Variants in ABTB1 observed in about 807,000 individuals in gnomAD.
ABTB1 encodes the protein ankyrin repeat and BTB/POZ domain-containing protein 1.
Under a neutral mutation model 57.1 loss-of-function variants are expected in ABTB1, and 45 were observed. The ratio of observed to expected loss-of-function variants is 0.79; its 90% CI spans 0.62 to 1.01. The LOEUF is 1.01. Among genes scored for constraint, ABTB1 ranks in the 50% least tolerant of loss-of-function variants. The pLI, the probability that ABTB1 is intolerant of heterozygous loss-of-function variation, is 0.00. For missense variants in ABTB1, 630 were observed against 666.3 expected, an observed-to-expected ratio of 0.95 and a Z score of 0.60; for synonymous variants, 302 against 275.4, an observed-to-expected ratio of 1.10 and a Z score of -0.95.
In ABTB1 at chr3:127,677,149, A is replaced by G; in HGVS notation, c.644-19A>G. 1 of 1,613,250 alleles carries G rather than the reference A, an allele frequency of 6.2e-7. No homozygotes were observed. Among genetic ancestry groups the G allele is most frequent in the Non-Finnish European group, 8.5e-7 (1 of 1,179,596 alleles). On this transcript the variant is annotated intron_variant, in intron 7 of 11. Coordinates refer to ENST00000232744, the MANE Select transcript of ABTB1 (RefSeq NM_172027.3). ...TGGCAGGGCTGGCCTGGCTCCCTGAAGTTGTTCTTCCCCTGTAGTGGCGTC... is the reference window on the plus strand; with the variant it reads ...TGGCAGGGCTGGCCTGGCTCCCTGAGGTTGTTCTTCCCCTGTAGTGGCGTC...
In ABTB1 at chr3:127,677,004, T is replaced by G; in HGVS notation, c.564T>G (p.Cys188Trp). The G allele has an allele frequency of 6.2e-7, 1 of 1,614,006 alleles. No homozygotes were observed. The highest frequency in any genetic ancestry group is 8.5e-7 in the Non-Finnish European group (1 of 1,179,958). The change falls in exon 7 of 12, where the codon TGT (cysteine) becomes TGG (tryptophan). Residue 188 changes from cysteine (C) to tryptophan (W), a missense_variant. Cys to Trp is a radical substitution (Grantham distance 215). Transcript: ENST00000232744. ...TTGGCGTAGAGCATGTGAGTGACTG[T>G]GAGCGCCTGGCCAAGCAATGCCAGC... ...LDIGVEHVSDCERLAKQCQLW... is the reference protein window; with the variant it reads ...LDIGVEHVSDWERLAKQCQLW...
chr3:127,674,260 G>C, intron 1 of ABTB1, 131 bp from the exon 2 acceptor site: 3 of 1,225,214 alleles, frequency 2.4e-6, no homozygotes, highest in Non-Finnish European at 3.5e-6. Context: ...TGGTCTGCCT[G>C]TCACCTGCCC....
In ABTB1 at chr3:127,680,130, G is replaced by A. The variant is rs763354622; in HGVS notation, c.1175G>A (p.Arg392His). ...VGVWRVAKLF[R>H]LARLEDQCTE... is the part of the protein sequence containing the mutation. ...GTGTGGCGCGTGGCCAAGCTCTTCC[G>A]CCTGGCGCGGCTTGAGGACCAGTGC... Residue 392 changes from arginine (R) to histidine (H), a missense_variant, in exon 11 of 12, where the codon CGC (arginine) becomes CAC (histidine). Physicochemically the swap from Arg to His is conservative, Grantham distance 29 (BLOSUM62 0). Around this residue, in one of 3 missense-constraint regions of ABTB1, gnomAD observed 579 missense variants for 585.9 expected, o/e 0.99. Transcript: ENST00000232744. 2.6e-5 allele frequency: 42 copies of A among 1,613,840 alleles called. No homozygotes were observed. Among genetic ancestry groups the A allele is most frequent in the Admixed American group, 1.2e-4 (7 of 60,010 alleles).
intron 1 of ABTB1, 127 bp downstream of exon 1, chr3:127,673,208 C>T (rs2074889519): frequency 9.2e-6 from 10 of 1,086,134 alleles, no homozygotes; most frequent in African/African-American, 3.4e-5. Context: ...GCCCTCGGAG[C>T]GCCCCCGCGG....
In ABTB1 at chr3:127,677,893, G is replaced by T. The variant is rs199988082; in HGVS notation, c.1029+50G>T. 6,594 of 1,585,768 alleles carry T rather than the reference G, an allele frequency of 4.2e-3. 13 individuals carry two copies. The highest frequency in any genetic ancestry group is 5.3e-3 in the Non-Finnish European group (6,135 of 1,165,456). On this transcript the variant is annotated intron_variant, in intron 10 of 11. Coordinates refer to ENST00000232744, the MANE Select transcript of ABTB1 (RefSeq NM_172027.3). ...ATGGCACACAACCTGTGCTGCCGTG[G>T]GCTGAGAGGGAGCGCCAGGGCCCTG...
At chr3:127,679,830 G>T in intron 10 of ABTB1, 155 bp from the exon 11 acceptor site, 1 of 407,470 alleles carries the variant, frequency 2.5e-6, no homozygotes, top group Non-Finnish European at 4.3e-6. Context: ...CCAGCCCCCC[G>T]ACCCCCAACC....
chr3:127,676,718 G>T lies in ABTB1; in HGVS notation c.526+137G>T. ...CCCGGGGTGGTTCCAGCTGCCTCTC[G>T]GGTTGGGTTGCAAGAGAGAGGACTA... On this transcript the variant is annotated intron_variant, in intron 6 of 11. Coordinates refer to ENST00000232744, the MANE Select transcript of ABTB1 (RefSeq NM_172027.3). This position sits in a 1 kb window ranked among gnomAD's most constrained non-coding sequence, Gnocchi z 5.4. 3 of 1,165,718 alleles carry T rather than the reference G, an allele frequency of 2.6e-6. No individual in the cohort carries two copies. The highest frequency in any genetic ancestry group is 2.8e-5 in the South Asian group (2 of 71,404). The allele number at this position is 1,165,718 out of a possible 1,614,324, so 72.2% of individuals were successfully genotyped here.
chr3:127,672,979 G>A lies in ABTB1; in HGVS notation c.-47G>A. 6.6e-7 allele frequency: 1 copy of A among 1,521,144 alleles called. No homozygotes were observed. The allele number at this position is 1,521,144 out of a possible 1,614,324, so 94.2% of individuals were successfully genotyped here. On this transcript the variant is annotated 5_prime_UTR_variant, in exon 1 of 12. Transcript: ENST00000232744. ...GCGTGTTTACATCCGCCGGGTGCGC[G>A]GCTTCGCCGCCCGAGGTCGTTCGGC... is the stretch of plus-strand genomic sequence containing the variant.
intron 3 of ABTB1, 137 bp downstream of exon 3, chr3:127,674,737 C>A: frequency 9.4e-7 from 1 of 1,066,942 alleles, no homozygotes; most frequent in Non-Finnish European, 1.4e-6. Flanking sequence ...ACCACCCAGT[C>A]GAATCAGCAA....
At position 127,680,674 on chromosome 3, in the gene ABTB1, C is replaced by T. The variant is rs1210167008; in HGVS notation, c.*199C>T. The stretch of plus-strand genomic sequence containing the variant: ...CCATTTGGGATGAGCCCCCTCCCCC[C>T]AATGCACAAGCCAGCCCCCAAGACC... On this transcript the variant is annotated 3_prime_UTR_variant, in exon 12 of 12. Coordinates refer to ENST00000232744, the MANE Select transcript of ABTB1 (RefSeq NM_172027.3). 2 of 755,802 alleles carry T rather than the reference C, an allele frequency of 2.6e-6. No individual in the cohort carries two copies. Among genetic ancestry groups the T allele is most frequent in the African/African-American group, 3.5e-5 (2 of 57,174 alleles). The allele number at this position is 755,802 out of a possible 1,614,324, so 46.8% of individuals were successfully genotyped here.
At chr3:127,678,661 C>G (rs1042517219) in intron 10 of ABTB1, 4 of 152,246 alleles carry the variant, frequency 2.6e-5, no homozygotes, top group African/African-American at 9.7e-5. Context: ...GTCCACAGGC[C>G]GTAGCTTACC....
Position 127,676,616 on chromosome 3 carries a change from G to A in ABTB1, c.526+35G>A. 1 of 1,611,870 alleles carries A rather than the reference G, an allele frequency of 6.2e-7. No homozygotes were observed. The highest frequency in any genetic ancestry group is 8.5e-7 in the Non-Finnish European group (1 of 1,179,138). On this transcript the variant is annotated intron_variant, in intron 6 of 11. Transcript: ENST00000232744. The surrounding 1 kb of genome is among the most constrained non-coding windows in gnomAD (Gnocchi z 5.4). ...TGGGTCCAGGGTAGGAGGAGAGGGA[G>A]TGGGCCGTCCTTCTGGACAGCAGTA...
Position 127,676,609 on chromosome 3 carries a change from A to G in ABTB1, c.526+28A>G. 1 of 1,612,562 alleles carries G rather than the reference A, an allele frequency of 6.2e-7. No homozygotes were observed. The highest frequency in any genetic ancestry group is 1.1e-5 in the South Asian group (1 of 90,954). ...GACCCCCTGGGTCCAGGGTAGGAGG[A>G]GAGGGAGTGGGCCGTCCTTCTGGAC... On this transcript the variant is annotated intron_variant, in intron 6 of 11. Coordinates refer to ENST00000232744, the MANE Select transcript of ABTB1 (RefSeq NM_172027.3). The surrounding 1 kb of genome is among the most constrained non-coding windows in gnomAD (Gnocchi z 5.4).
At chr3:127,673,183 C>T (rs1490361128) in intron 1 of ABTB1, 102 bp downstream of exon 1, 12 of 1,268,026 alleles carry the variant, frequency 9.5e-6, no homozygotes, top group Non-Finnish European at 1.2e-5. Context: ...AGGCGGGCGC[C>T]TCTGCCGGGT....
Position 127,680,338 on chromosome 3 carries a change from A to G in ABTB1, c.1300A>G (p.Thr434Ala), listed in dbSNP as rs2075102181. 6.2e-7 allele frequency: 1 copy of G among 1,610,116 alleles called. No individual in the cohort carries two copies. The highest frequency in any genetic ancestry group is 1.1e-5 in the South Asian group (1 of 90,760). ...EAAAVAARQETDSIPLVDDIR... is the reference protein window; with the variant it reads ...EAAAVAARQEADSIPLVDDIR... ...AGCGGCTGTGGCAGCCCGGCAGGAG[A>G]CGGACTCTATCCCGCTGGTGGACGA... is the stretch of plus-strand genomic sequence containing the variant. Residue 434 changes from threonine (T) to alanine (A), a missense_variant, in exon 12 of 12, where the codon ACG (threonine) becomes GCG (alanine). Thr to Ala is a moderately conservative substitution (Grantham distance 58, BLOSUM62 0). Transcript: ENST00000232744.
intron 10 of ABTB1, 200 bp from the exon 11 acceptor site, chr3:127,679,785 C>A (rs1407028885): frequency 2.6e-6 from 1 of 382,104 alleles, no homozygotes; most frequent in African/African-American, 2.1e-5. Flanking sequence ...TCTTCTGCCC[C>A]CTAGCGGTCC....
intron 10 of ABTB1, 60 bp from the exon 11 acceptor site, chr3:127,679,925 T>A: frequency 6.4e-7 from 1 of 1,567,410 alleles, no homozygotes; most frequent in Non-Finnish European, 8.7e-7. Flanking sequence ...GCCTTGGCTG[T>A]TGTGCCCTGG....
rs765558086 is a variant in ABTB1, at chr3:127,673,009, G to A, written c.-17G>A. 6.4e-7 allele frequency: 1 copy of A among 1,558,132 alleles called. No individual in the cohort carries two copies. Among genetic ancestry groups the A allele is most frequent in the South Asian group, 1.2e-5 (1 of 85,564 alleles). ...CGCCGCCCGAGGTCGTTCGGCTCGG[G>A]TACCATCCTCCGCGCCATGGACACC... On this transcript the variant is annotated 5_prime_UTR_variant, in exon 1 of 12. Coordinates refer to ENST00000232744, the MANE Select transcript of ABTB1 (RefSeq NM_172027.3).
At chr3:127,674,351 A>C in intron 1 of ABTB1, 40 bp from the exon 2 acceptor site, 1 of 1,584,670 alleles carries the variant, frequency 6.3e-7, no homozygotes, top group South Asian at 1.1e-5. Context: ...TCAGACCATG[A>C]ACCCGTCCTG....
Sources: gnomAD v4.1 joint callset for allele counts on GRCh38, gnomAD v4.1.1 for gene constraint, gnomAD v4.1.1 regional missense constraint, Gnocchi (gnomAD v3.1) non-coding constraint, MANE v1.5 for transcripts, NCBI Gene and HGNC (gene_info 2026-07-23, HGNC 2026-07-21) for gene names.